Variants in CEP128 observed in about 807,000 individuals in gnomAD.
CEP128 encodes the protein centrosomal protein 128.
CEP128 carries 132 observed loss-of-function variants against 156.7 expected under a neutral mutation model. That is an observed-to-expected ratio of 0.84 (90% CI 0.73 to 0.97). The LOEUF is 0.97. Among genes scored for constraint, CEP128 ranks in the 50% least tolerant of loss-of-function variants. CEP128 has a pLI of 0.00. For synonymous variants in CEP128, 469 were observed against 448.9 expected, an observed-to-expected ratio of 1.04 and a Z score of -0.57; for missense variants, 1,252 against 1,281.9, an observed-to-expected ratio of 0.98 and a Z score of 0.36.
intron 13 of CEP128, among the ~76,000 whole-genome samples, chr14:80,829,047 A>C (rs1885640435): frequency 1.3e-5 from 2 of 152,232 alleles, no homozygotes; most frequent in African/African-American, 4.8e-5. Context: ...AGTCTGCACG[A>C]AACATGACTT....
intron 20 of CEP128, among the ~76,000 whole-genome samples, chr14:80,568,064 C>T (rs143474664): frequency 4.6e-5 from 7 of 152,236 alleles, no homozygotes; most frequent in Non-Finnish European, 1.0e-4. Context: ...TATGAGCAGG[C>T]TTGTGTCATG....
intron 21 of CEP128, among the ~76,000 whole-genome samples, chr14:80,552,630 C>G (rs1283858416): frequency 6.6e-6 from 1 of 151,972 alleles, no homozygotes; most frequent in Non-Finnish European, 1.5e-5. Context: ...AAGAAAATGA[C>G]AATCTGTGGT....
At chr14:80,533,707 T>A (rs1889341624) in intron 21 of CEP128, among the ~76,000 whole-genome samples, 1 of 152,208 alleles carries the variant, frequency 6.6e-6, no homozygotes, top group African/African-American at 2.4e-5. Flanking sequence ...CCAATCTTTA[T>A]ACTTCCTCAC....
downstream of CEP128, among the ~76,000 whole-genome samples, chr14:80,485,676 C>A (rs1041661196): frequency 3.3e-5 from 5 of 152,044 alleles, no homozygotes; most frequent in Non-Finnish European, 5.9e-5. Context: ...TAAGATTTGG[C>A]ACATAATAGG....
At chr14:80,552,320 AAC>A (rs1890244628) in intron 21 of CEP128, among the ~76,000 whole-genome samples, 1 of 151,860 alleles carries the variant, frequency 6.6e-6, no homozygotes, top group South Asian at 2.1e-4. Flanking sequence ...AAAAAAAAAA[AAC>A]ACAAATAAAA....
Position 80,546,670 on chromosome 14 carries a change from A to G in CEP128, c.2880+12609T>C, listed in dbSNP as rs558210586. Among the ~76,000 whole-genome samples the G allele has an allele frequency of 3.9e-5, 6 of 152,320 alleles. No individual in the cohort carries two copies. The South Asian group carries it at 1.0e-3, about 26-fold the overall frequency. On this transcript the variant is annotated intron_variant, in intron 21 of 24. Coordinates refer to ENST00000555265, the MANE Select transcript of CEP128 (RefSeq NM_152446.5). Reference sequence around the variant, plus strand: ...ACTATATAGTTAATGCCTGATAGCAATCAACCAACCATGTCAAGGCCTCTG... The same window carrying G: ...ACTATATAGTTAATGCCTGATAGCAGTCAACCAACCATGTCAAGGCCTCTG...
chr14:80,902,005 G>C (rs531472093), intron 6 of CEP128, among the ~76,000 whole-genome samples: 1 of 152,142 alleles, frequency 6.6e-6, no homozygotes, highest in Admixed American at 6.5e-5. Flanking sequence ...CTTCCCTCCT[G>C]CCAAGCCATT....
chr14:80,823,860 C>G (rs149302552), intron 13 of CEP128, among the ~76,000 whole-genome samples: 3 of 152,378 alleles, frequency 2.0e-5, no homozygotes, highest in African/African-American at 7.2e-5. Flanking sequence ...CACAGTTCCA[C>G]TGGGCAGTGC....
At chr14:80,636,684 C>T (rs1485474898) in intron 19 of CEP128, among the ~76,000 whole-genome samples, 1 of 152,130 alleles carries the variant, frequency 6.6e-6, no homozygotes, top group African/African-American at 2.4e-5. Flanking sequence ...TTACTATTGT[C>T]CCCAGCTAAT....
intron 8 of CEP128, among the ~76,000 whole-genome samples, chr14:80,873,278 G>A (rs1354650681): frequency 2.0e-5 from 3 of 152,168 alleles, no homozygotes; most frequent in Non-Finnish European, 4.4e-5. Context: ...TTGATGCATG[G>A]CAATAATTAT....
intron 17 of CEP128, among the ~76,000 whole-genome samples, chr14:80,758,722 G>A (rs1899802305): frequency 6.6e-6 from 1 of 152,070 alleles, no homozygotes. Flanking sequence ...TTGTGAACAT[G>A]TTACTAAAAG....
chr14:80,646,673 T>A (rs532177456), intron 19 of CEP128, among the ~76,000 whole-genome samples: 25 of 151,942 alleles, frequency 1.6e-4, no homozygotes, highest in African/African-American at 5.8e-4. Flanking sequence ...AAAATGTGAG[T>A]ATCTACTCTT....
At chr14:80,821,637 A>ATG (rs1270355910) in intron 13 of CEP128, among the ~76,000 whole-genome samples, 1 of 149,520 alleles carries the variant, frequency 6.7e-6, no homozygotes, top group Non-Finnish European at 1.5e-5. Context: ...ACACACACAC[A>ATG]CACACATGCA....
At chr14:80,644,299 G>A (rs749659390) in intron 19 of CEP128, among the ~76,000 whole-genome samples, 5 of 152,188 alleles carry the variant, frequency 3.3e-5, no homozygotes, top group East Asian at 1.9e-4. Context: ...ACTGACATAC[G>A]ATGTTTCTTT....
chr14:80,956,906 G>A (rs1429899818), intron 2 of CEP128, among the ~76,000 whole-genome samples: 1 of 152,150 alleles, frequency 6.6e-6, no homozygotes, highest in Non-Finnish European at 1.5e-5. Flanking sequence ...CATTCTCCAT[G>A]CTGCCACCAC....
intron 21 of CEP128, among the ~76,000 whole-genome samples, chr14:80,557,172 C>T (rs1019351086): frequency 2.0e-5 from 3 of 151,966 alleles, no homozygotes; most frequent in African/African-American, 7.2e-5. Flanking sequence ...CTCTGTACTT[C>T]GTTAGTGAAG....
intron 19 of CEP128, among the ~76,000 whole-genome samples, chr14:80,739,300 T>G (rs10498550): frequency 6.6e-6 from 1 of 152,100 alleles, no homozygotes; most frequent in African/African-American, 2.4e-5. Context: ...ACTACAAAAA[T>G]TATTGTGATA....
chr14:80,740,452 A>C (rs1327450695), intron 19 of CEP128, among the ~76,000 whole-genome samples: 1 of 88,126 alleles, frequency 1.1e-5, no homozygotes, highest in African/African-American at 6.5e-5. Flanking sequence ...ATACACATAC[A>C]CACACACACA....
intron 21 of CEP128, among the ~76,000 whole-genome samples, chr14:80,536,959 T>C (rs1889512378): frequency 6.6e-6 from 1 of 152,210 alleles, no homozygotes; most frequent in African/African-American, 2.4e-5. Context: ...TAAGTTAACA[T>C]GGCACTATGA....
Sources: gnomAD v4.1 joint callset for allele counts (sites outside exome capture counted in the v4.1 genomes callset) on GRCh38, gnomAD v4.1.1 for gene constraint, MANE v1.5 for transcripts, NCBI Gene and HGNC (gene_info 2026-07-23, HGNC 2026-07-21) for gene names.